The following GABBR2 variants were observed in gnomAD, a reference collection of about 807,000 sequenced individuals.
GABBR2 encodes gamma-aminobutyric acid type B receptor subunit 2.
Under a neutral mutation model 105.6 loss-of-function variants are expected in GABBR2, and 23 were observed. That is an observed-to-expected ratio of 0.22 (90% CI 0.16 to 0.31). The LOEUF is 0.31. Among genes scored for constraint, GABBR2 ranks in the 10% least tolerant of loss-of-function variants. The pLI is 1.00. For synonymous variants in GABBR2, 478 were observed against 499.7 expected, an observed-to-expected ratio of 0.96 and a Z score of 0.58; for missense variants, 734 against 1,245.5, an observed-to-expected ratio of 0.59 and a Z score of 6.18.
chr9:98,317,634 G>T (rs1830741393), intron 13 of GABBR2, among the ~76,000 whole-genome samples: 1 of 152,190 alleles, frequency 6.6e-6, no homozygotes, highest in Non-Finnish European at 1.5e-5. Flanking sequence ...GACTCTATCT[G>T]TCCTACATTT....
At chr9:98,417,205 G>A (rs1832704733) in intron 7 of GABBR2, among the ~76,000 whole-genome samples, 1 of 152,220 alleles carries the variant, frequency 6.6e-6, no homozygotes, top group South Asian at 2.1e-4. Flanking sequence ...CCCAGTGTTG[G>A]TGGGCCAAGG....
chr9:98,324,491 C>T (rs1830882974), intron 13 of GABBR2, among the ~76,000 whole-genome samples: 1 of 128,510 alleles, frequency 7.8e-6, no homozygotes, highest in African/African-American at 3.1e-5. Context: ...GACTACAGAG[C>T]CGACACACAC....
intron 2 of GABBR2, among the ~76,000 whole-genome samples, chr9:98,563,893 G>GA (rs542610241): frequency 1.1e-4 from 17 of 151,840 alleles, no homozygotes; most frequent in Non-Finnish European, 2.4e-4. Context: ...GCTCTATTTA[G>GA]AAAAAAAATC....
At chr9:98,525,140 GC>G (rs1827932983) in intron 3 of GABBR2, among the ~76,000 whole-genome samples, 2 of 151,896 alleles carry the variant, frequency 1.3e-5, no homozygotes. Flanking sequence ...AGTAAAAGCA[GC>G]AAAAGAAAAA....
At chr9:98,451,409 A>C (rs1028393187) in intron 7 of GABBR2, among the ~76,000 whole-genome samples, 2 of 152,194 alleles carry the variant, frequency 1.3e-5, no homozygotes, top group Non-Finnish European at 2.9e-5. Context: ...ACAGAAATGG[A>C]CTTCGCCAAT....
rs529908108 is a variant in GABBR2 at position 98,610,432 on chromosome 9, T to C, written c.322-32360A>G. Among the ~76,000 whole-genome samples the C allele has an allele frequency of 2.6e-5, 4 of 152,344 alleles. No individual in the cohort carries two copies. The South Asian group carries it at 6.2e-4, about 24-fold the overall frequency. On this transcript the variant is annotated intron_variant, in intron 1 of 18. Transcript: ENST00000259455. ...CCTGCAAAAATATGCATCCATGCCCTAACTCCTGGAACTGTGAATGCTGCC... is the reference window on the plus strand; with the variant it reads ...CCTGCAAAAATATGCATCCATGCCCCAACTCCTGGAACTGTGAATGCTGCC...
chr9:98,318,570 T>C (rs1243621966), intron 13 of GABBR2, among the ~76,000 whole-genome samples: 2 of 152,080 alleles, frequency 1.3e-5, no homozygotes, highest in African/African-American at 2.4e-5. Context: ...GTCCAGATGG[T>C]GCACATGAGG....
intron 8 of GABBR2, among the ~76,000 whole-genome samples, chr9:98,404,616 T>G (rs1366980200): frequency 6.6e-6 from 1 of 152,088 alleles, no homozygotes; most frequent in African/African-American, 2.4e-5. Flanking sequence ...CTAGTCGTTT[T>G]GGCTAATCAC....
intron 7 of GABBR2, among the ~76,000 whole-genome samples, chr9:98,443,766 A>T (rs1482707854): frequency 6.6e-6 from 1 of 152,222 alleles, no homozygotes; most frequent in Non-Finnish European, 1.5e-5. Flanking sequence ...AGAGTCCAGC[A>T]GGAGGAGGCA....
At chr9:98,574,275 C>T (rs1013980181) in intron 2 of GABBR2, among the ~76,000 whole-genome samples, 5 of 152,238 alleles carry the variant, frequency 3.3e-5, no homozygotes, top group South Asian at 2.1e-4. Context: ...TTTGTGTGAT[C>T]CACAGATTTC....
rs539232123 is a variant in GABBR2 at position 98,547,421 on chromosome 9, ATATATT to A, written c.460-5384_460-5379del. ...AGCATATGTAGTATGTTTATCATAT[ATATATT>A]TATATTATATTCCTATATATTCTTG... On this transcript the variant is annotated intron_variant, in intron 2 of 18. Transcript: ENST00000259455. Among the ~76,000 whole-genome samples, 62 of 117,238 alleles carry A rather than the reference ATATATT, an allele frequency of 5.3e-4. 10 individuals carry two copies. The highest frequency in any genetic ancestry group is 1.4e-3 in the African/African-American group (52 of 37,048). The allele number at this position is 117,238 out of a possible 152,430, so 76.9% of individuals were successfully genotyped here.
chr9:98,621,095 T>G (rs375792928), intron 1 of GABBR2, among the ~76,000 whole-genome samples: 56 of 152,228 alleles, frequency 3.7e-4, no homozygotes, highest in African/African-American at 1.4e-3. Flanking sequence ...ACCCTTGGCT[T>G]ATAAAGAGCC....
At chr9:98,367,237 G>GCAT (rs955623463) in intron 12 of GABBR2, among the ~76,000 whole-genome samples, 6 of 141,580 alleles carry the variant, frequency 4.2e-5, no homozygotes, top group African/African-American at 1.6e-4. Flanking sequence ...ATAAAAAACT[G>GCAT]CATTGAAAAA....
intron 14 of GABBR2, among the ~76,000 whole-genome samples, chr9:98,307,708 T>G (rs1335012700): frequency 9.4e-6 from 1 of 105,970 alleles, no homozygotes; most frequent in African/African-American, 3.5e-5. Flanking sequence ...GGACTGGGAA[T>G]AATAATAATA....
In GABBR2 at chr9:98,592,774, T is replaced by C. The variant is rs1346964781; in HGVS notation, c.322-14702A>G. 2.0e-5 allele frequency among the ~76,000 whole-genome samples: 3 copies of C among 152,162 alleles called. No individual in the cohort carries two copies. The East Asian group carries it at 5.8e-4, about 29-fold the overall frequency. On this transcript the variant is annotated intron_variant, in intron 1 of 18. Transcript: ENST00000259455. ...CAAAGAGCCAGGGAAAGTGAGGATATGTCTTAGAACAGCAAGTCCAGTAAC... is the reference window on the plus strand; with the variant it reads ...CAAAGAGCCAGGGAAAGTGAGGATACGTCTTAGAACAGCAAGTCCAGTAAC...
In GABBR2 at chr9:98,577,600, C is replaced by T. The variant is rs1041423667; in HGVS notation, c.459+335G>A. On this transcript the variant is annotated intron_variant, in intron 2 of 18. Coordinates refer to ENST00000259455, the MANE Select transcript of GABBR2 (RefSeq NM_005458.8). ...TGGAAAGGCAGGGTGTCTGGCAAGG[C>T]TGTGCTGTGGAGCAAGTGGAAGGAG... Among the ~76,000 whole-genome samples the T allele has an allele frequency of 6.6e-5, 10 of 152,320 alleles. No individual in the cohort carries two copies. The East Asian group carries it at 1.7e-3, about 27-fold the overall frequency.
At chr9:98,687,458 A>G (rs1395918462) in intron 1 of GABBR2, among the ~76,000 whole-genome samples, 8 of 152,110 alleles carry the variant, frequency 5.3e-5, no homozygotes, top group African/African-American at 1.9e-4. Flanking sequence ...GATTCTTGCT[A>G]AAATTGGGTG....
intron 3 of GABBR2, among the ~76,000 whole-genome samples, chr9:98,514,264 G>T (rs1437913607): frequency 9.0e-5 from 12 of 133,086 alleles, no homozygotes; most frequent in Non-Finnish European, 1.5e-4. Context: ...TGGGGTAGGG[G>T]GAGGGGAGAG....
intron 4 of GABBR2, among the ~76,000 whole-genome samples, chr9:98,495,077 G>A (rs1827251414): frequency 6.6e-6 from 1 of 152,206 alleles, no homozygotes; most frequent in East Asian, 1.9e-4. Context: ...CACAGCCTGT[G>A]ACACTGCAGG....
Sources: gnomAD v4.1 joint callset for allele counts (sites outside exome capture counted in the v4.1 genomes callset) on GRCh38, gnomAD v4.1.1 for gene constraint, MANE v1.5 for transcripts, NCBI Gene and HGNC (gene_info 2026-07-23, HGNC 2026-07-21) for gene names.